COLEC12: variants seen among roughly 807,000 people sequenced by gnomAD.
COLEC12 encodes the protein collectin subfamily member 12.
COLEC12 carries 33 observed loss-of-function variants against 71.1 expected under a neutral mutation model. The ratio of observed to expected loss-of-function variants is 0.46; its 90% CI spans 0.35 to 0.62. The LOEUF (loss-of-function observed/expected upper bound fraction) is 0.62, where lower values mean the gene tolerates loss of function less well. Ranked by LOEUF, COLEC12 falls within the 20% of genes least tolerant of loss-of-function variation. The pLI, the probability that COLEC12 is intolerant of heterozygous loss-of-function variation, is 0.00. For missense variants in COLEC12, 765 were observed against 916.1 expected (o/e 0.84, Z 2.13); for synonymous variants, 350 against 353.0 (o/e 0.99, Z 0.10).
intron 3 of COLEC12, among the ~76,000 whole-genome samples, chr18:357,120 C>G (rs111358140): frequency 6.6e-6 from 1 of 151,840 alleles, no homozygotes; most frequent in Non-Finnish European, 1.5e-5. Context: ...GAAGGAGTAG[C>G]TAGAAATAGG....
Position 479,872 on chromosome 18 carries a change from G to A in COLEC12, c.58+835C>T, listed in dbSNP as rs959708329. 5.3e-5 allele frequency among the ~76,000 whole-genome samples: 8 copies of A among 152,160 alleles called. 1 individual carries two copies. In the East Asian group the frequency reaches 1.5e-3, roughly 29 times the overall value. ...TCCTCTTACAGTTCTGGGGGCCAGCGGCCTAAAATCACCTTCAGCCAGCTG... is the reference window on the plus strand; with the variant it reads ...TCCTCTTACAGTTCTGGGGGCCAGCAGCCTAAAATCACCTTCAGCCAGCTG... On this transcript the variant is annotated intron_variant, in intron 2 of 9. Transcript: ENST00000400256.
chr18:364,013 G>C (rs1033315780), intron 2 of COLEC12, among the ~76,000 whole-genome samples: 2 of 152,068 alleles, frequency 1.3e-5, no homozygotes, highest in Non-Finnish European at 2.9e-5. Context: ...TGTTCAAACC[G>C]GAAAAGTTAC....
intron 1 of COLEC12, among the ~76,000 whole-genome samples, chr18:482,024 G>A (rs145597847): frequency 1.1e-4 from 17 of 152,032 alleles, no homozygotes; most frequent in Admixed American, 5.9e-4. Context: ...CCCACGTAGT[G>A]AGCATAGCAC....
intron 2 of COLEC12, among the ~76,000 whole-genome samples, chr18:463,752 C>T (rs888007147): frequency 2.0e-5 from 3 of 152,228 alleles, no homozygotes; most frequent in African/African-American, 4.8e-5. Context: ...CCATCACCAG[C>T]TTATTCACCG....
chr18:441,184 C>T (rs1329229571), intron 2 of COLEC12, among the ~76,000 whole-genome samples: 1 of 149,164 alleles, frequency 6.7e-6, no homozygotes, highest in African/African-American at 2.5e-5. Context: ...GGAGGCGGAG[C>T]TTGCAGTGAG....
intron 2 of COLEC12, among the ~76,000 whole-genome samples, chr18:476,913 C>A (rs886460528): frequency 1.3e-5 from 2 of 152,196 alleles, no homozygotes; most frequent in Non-Finnish European, 2.9e-5. Flanking sequence ...CTGATTAAAG[C>A]TTGAAAATGC....
chr18:457,614 GT>G (rs2143727047), intron 2 of COLEC12, among the ~76,000 whole-genome samples: 1 of 152,312 alleles, frequency 6.6e-6, no homozygotes, highest in South Asian at 2.1e-4. Flanking sequence ...TTGATGAGCA[GT>G]TGCGAAATGG....
intron 8 of COLEC12, 32 bp from the exon 9 acceptor site, chr18:321,839 G>C: frequency 6.2e-7 from 1 of 1,604,656 alleles, no homozygotes; most frequent in Non-Finnish European, 8.5e-7. Context: ...AATGTTATTT[G>C]CACAGTAATG....
At chr18:352,999 G>T (rs890034423) in intron 3 of COLEC12, among the ~76,000 whole-genome samples, 2 of 152,164 alleles carry the variant, frequency 1.3e-5, no homozygotes, top group Non-Finnish European at 2.9e-5. Context: ...GGTGTTTCAG[G>T]TATTATACCT....
intron 1 of COLEC12, among the ~76,000 whole-genome samples, chr18:489,949 T>A (rs1475588312): frequency 1.3e-5 from 2 of 152,186 alleles, no homozygotes; most frequent in Non-Finnish European, 2.9e-5. Context: ...CCATGGCAGA[T>A]CATCGTCATA....
chr18:463,462 C>G (rs974548542), intron 2 of COLEC12, among the ~76,000 whole-genome samples: 6 of 152,230 alleles, frequency 3.9e-5, no homozygotes, highest in African/African-American at 9.6e-5. Context: ...CACACACACA[C>G]AGAGAGAAAA....
chr18:453,254 C>T (rs1916797515), intron 2 of COLEC12, among the ~76,000 whole-genome samples: 1 of 152,044 alleles, frequency 6.6e-6, no homozygotes, highest in Non-Finnish European at 1.5e-5. Context: ...CTAGGAGACA[C>T]AAGGACAAGA....
chr18:345,852 C>T (rs1288713189), intron 5 of COLEC12, among the ~76,000 whole-genome samples: 1 of 152,214 alleles, frequency 6.6e-6, no homozygotes, highest in Non-Finnish European at 1.5e-5. Context: ...GACTTAGTGA[C>T]TTATTTCTAA....
chr18:419,861 C>A (rs1916062550), intron 2 of COLEC12, among the ~76,000 whole-genome samples: 1 of 152,166 alleles, frequency 6.6e-6, no homozygotes. Context: ...CAGAATACAG[C>A]AGAAAGAATG....
intron 2 of COLEC12, among the ~76,000 whole-genome samples, chr18:446,031 A>C (rs918196981): frequency 2.6e-5 from 4 of 152,214 alleles, no homozygotes; most frequent in Non-Finnish European, 4.4e-5. Context: ...TTCACTCAGC[A>C]TAAGAGTTTT....
At chr18:367,773 C>A (rs770298469) in intron 2 of COLEC12, among the ~76,000 whole-genome samples, 13 of 152,180 alleles carry the variant, frequency 8.5e-5, no homozygotes, top group Admixed American at 1.3e-4. Flanking sequence ...CCATCCCTGT[C>A]ACTAGCCACA....
intron 5 of COLEC12, among the ~76,000 whole-genome samples, 193 bp from the exon 6 acceptor site, chr18:335,423 T>C (rs1914097177): frequency 6.6e-6 from 1 of 152,214 alleles, no homozygotes; most frequent in Non-Finnish European, 1.5e-5. Context: ...CAAATTCTTA[T>C]GCTGAAGTCC....
chr18:341,568 T>G (rs1174575113), intron 5 of COLEC12, among the ~76,000 whole-genome samples: 1 of 152,222 alleles, frequency 6.6e-6, no homozygotes, highest in Non-Finnish European at 1.5e-5. Flanking sequence ...CCCACCTGTG[T>G]GATTTTATTC....
At chr18:459,535 G>C (rs1916937166) in intron 2 of COLEC12, among the ~76,000 whole-genome samples, 1 of 152,168 alleles carries the variant, frequency 6.6e-6, no homozygotes, top group Non-Finnish European at 1.5e-5. Flanking sequence ...GGAGATATGA[G>C]GGGCATTTAT....
Sources: gnomAD v4.1 joint callset for allele counts (sites outside exome capture counted in the v4.1 genomes callset) on GRCh38, gnomAD v4.1.1 for gene constraint, MANE v1.5 for transcripts, NCBI Gene and HGNC (gene_info 2026-07-23, HGNC 2026-07-21) for gene names.